STT3B: variants seen among roughly 807,000 people sequenced by gnomAD.
The protein encoded by STT3B is dolichyl-diphosphooligosaccharide--protein glycosyltransferase subunit STT3B.
A neutral mutation model predicts 96.8 loss-of-function variants in STT3B; 29 were observed. The ratio of observed to expected loss-of-function variants is 0.30; its 90% CI spans 0.22 to 0.41. STT3B has a LOEUF of 0.41. Among genes scored for constraint, STT3B ranks in the 10% least tolerant of loss-of-function variants. The probability of loss-of-function intolerance (pLI) is 1.00; values close to 1 mark genes in which losing one functional copy is unlikely to be tolerated. For missense variants in STT3B, 640 were observed against 1,022.3 expected, an observed-to-expected ratio of 0.63 and a Z score of 5.10; for synonymous variants, 367 against 360.0, an observed-to-expected ratio of 1.02 and a Z score of -0.22.
At chr3:31,601,805 ATT>A in intron 5 of STT3B, among the ~76,000 whole-genome samples, 2 of 152,356 alleles carry the variant, frequency 1.3e-5, no homozygotes, top group Non-Finnish European at 2.9e-5. Flanking sequence ...AGCATAGTAT[ATT>A]ACATTTATAG....
chr3:31,554,515 G>T (rs1697643620), intron 1 of STT3B, among the ~76,000 whole-genome samples: 1 of 152,140 alleles, frequency 6.6e-6, no homozygotes, highest in Non-Finnish European at 1.5e-5. Context: ...AGATAAGTGT[G>T]TAGATAGTCT....
intron 13 of STT3B, among the ~76,000 whole-genome samples, chr3:31,626,609 A>G (rs1699544730): frequency 6.6e-6 from 1 of 152,188 alleles, no homozygotes; most frequent in Admixed American, 6.5e-5. Context: ...AGTTAAAACT[A>G]AAACTGTCAA....
chr3:31,573,703 A>G (rs1430202918), intron 1 of STT3B, among the ~76,000 whole-genome samples: 4 of 152,168 alleles, frequency 2.6e-5, no homozygotes, highest in Non-Finnish European at 5.9e-5. Flanking sequence ...CAAGAAAAAC[A>G]TTCCACATGG....
intron 9 of STT3B, among the ~76,000 whole-genome samples, chr3:31,620,876 A>C (rs956452830): frequency 6.6e-6 from 1 of 152,064 alleles, no homozygotes; most frequent in African/African-American, 2.4e-5. Flanking sequence ...GTAGGGGTTC[A>C]GTTTAAAGGA....
intron 3 of STT3B, among the ~76,000 whole-genome samples, chr3:31,594,606 T>G (rs1698744789): frequency 6.6e-6 from 1 of 152,034 alleles, no homozygotes; most frequent in Admixed American, 6.6e-5. Context: ...ATTTTTGTAT[T>G]TTTAGTAGAG....
intron 3 of STT3B, among the ~76,000 whole-genome samples, chr3:31,580,984 C>G (rs978774171): frequency 2.7e-5 from 4 of 150,700 alleles, no homozygotes; most frequent in African/African-American, 4.9e-5. Context: ...TGTTGAATGC[C>G]TTTTAATAAA....
intron 1 of STT3B, among the ~76,000 whole-genome samples, chr3:31,575,823 A>G (rs1343049646): frequency 6.6e-6 from 1 of 151,984 alleles, no homozygotes; most frequent in East Asian, 1.9e-4. Context: ...CTAAACATGG[A>G]ATATCCCTGG....
chr3:31,597,843 A>ATT lies in STT3B; in HGVS notation c.777+989_777+990dup, dbSNP rs760449210. The stretch of plus-strand genomic sequence containing the variant: ...ATTTTATTTCATTATTATTATTATT[A>ATT]TTTTTTTTTTGAGACAGAGTCTGGC... On this transcript the variant is annotated intron_variant, in intron 4 of 15. Transcript: ENST00000295770. Among the ~76,000 whole-genome samples, 17 of 148,536 alleles carry ATT rather than the reference A, an allele frequency of 1.1e-4. No homozygotes were observed. The East Asian group carries it at 2.8e-3, about 24-fold the overall frequency.
intron 3 of STT3B, among the ~76,000 whole-genome samples, chr3:31,593,420 G>C (rs967328813): frequency 6.6e-6 from 1 of 151,720 alleles, no homozygotes; most frequent in African/African-American, 2.4e-5. Context: ...GTTTGTCTAG[G>C]TGTAGTTCTC....
At chr3:31,601,097 G>A (rs1575435005) in intron 5 of STT3B, among the ~76,000 whole-genome samples, 2 of 152,204 alleles carry the variant, frequency 1.3e-5, no homozygotes, top group South Asian at 4.1e-4. Context: ...ATAACACAAA[G>A]ATAAATCTTA....
At chr3:31,573,893 CAG>C (rs1287996878) in intron 1 of STT3B, among the ~76,000 whole-genome samples, 2 of 151,774 alleles carry the variant, frequency 1.3e-5, no homozygotes, top group Non-Finnish European at 2.9e-5. Context: ...ATACAGAAAA[CAG>C]AGAAGATTAG....
At chr3:31,570,193 A>G (rs2125448496) in intron 1 of STT3B, among the ~76,000 whole-genome samples, 1 of 152,330 alleles carries the variant, frequency 6.6e-6, no homozygotes, top group South Asian at 2.1e-4. Context: ...AGGGAATAGA[A>G]GACAAAAATT....
At chr3:31,632,503 G>A (rs540847875) in intron 14 of STT3B, among the ~76,000 whole-genome samples, 3 of 152,092 alleles carry the variant, frequency 2.0e-5, no homozygotes, top group South Asian at 2.1e-4. Flanking sequence ...TTCCCTGAAG[G>A]GGGTGGTAAA....
intron 1 of STT3B, among the ~76,000 whole-genome samples, chr3:31,550,750 C>G (rs1697531753): frequency 6.6e-6 from 1 of 151,938 alleles, no homozygotes; most frequent in South Asian, 2.1e-4. Context: ...GTGTGTATCA[C>G]TTGGTGAGAT....
intron 1 of STT3B, among the ~76,000 whole-genome samples, chr3:31,533,997 A>G (rs1434989372): frequency 6.6e-6 from 1 of 152,180 alleles, no homozygotes; most frequent in African/African-American, 2.4e-5. Context: ...TTTATTTATC[A>G]TTAGGTATTT....
intron 1 of STT3B, among the ~76,000 whole-genome samples, chr3:31,567,070 GCTCT>G (rs1698023741): frequency 6.6e-6 from 1 of 152,132 alleles, no homozygotes; most frequent in Non-Finnish European, 1.5e-5. Context: ...CTGTCATTAT[GCTCT>G]CTCTATCCAT....
intron 1 of STT3B, among the ~76,000 whole-genome samples, chr3:31,566,546 C>G (rs1284687524): frequency 6.6e-6 from 1 of 152,134 alleles, no homozygotes; most frequent in African/African-American, 2.4e-5. Context: ...ACATCTTTTT[C>G]TTCCTTCAGC....
chr3:31,615,218 T>C lies in STT3B; in HGVS notation c.976+15T>C. ...GGCAGCTGCAGGTATGAAAAATATA[T>C]ATTTTCCTTCTTCTAAAGAATATGT... On this transcript the variant is annotated intron_variant, in intron 6 of 15. Transcript: ENST00000295770. 6.4e-7 allele frequency: 1 copy of C among 1,570,662 alleles called. No individual in the cohort carries two copies. Among genetic ancestry groups the C allele is most frequent in the Non-Finnish European group, 8.7e-7 (1 of 1,146,592 alleles).
Position 31,636,075 on chromosome 3 carries a change from C to G in STT3B, c.*11C>G, listed in dbSNP as rs373115106. 27 of 1,584,964 alleles carry G rather than the reference C, an allele frequency of 1.7e-5. No individual in the cohort carries two copies. Among genetic ancestry groups the G allele is most frequent in the Admixed American group, 3.6e-5 (2 of 55,212 alleles). On this transcript the variant is annotated 3_prime_UTR_variant, in exon 16 of 16. Transcript: ENST00000295770. ...AAGAAGACTGTTTAAATGCACTGTT[C>G]TGGTTCCTAACTTGAAGCAGTTGTC...
Sources: gnomAD v4.1 joint callset for allele counts (sites outside exome capture counted in the v4.1 genomes callset) on GRCh38, gnomAD v4.1.1 for gene constraint, MANE v1.5 for transcripts, NCBI Gene and HGNC (gene_info 2026-07-23, HGNC 2026-07-21) for gene names.